The following SRBD1 variants were observed in gnomAD, a reference collection of about 807,000 sequenced individuals.
The protein encoded by SRBD1 is S1 RNA binding domain 1.
In SRBD1, 88 loss-of-function variants were observed where a neutral mutation model predicts 115.3. That is an observed-to-expected ratio of 0.76 (90% CI 0.64 to 0.91). The LOEUF is 0.91. Ranked by LOEUF, SRBD1 falls within the 40% of genes least tolerant of loss-of-function variation. The probability of loss-of-function intolerance (pLI) is 0.00; values close to 1 mark genes in which losing one functional copy is unlikely to be tolerated. For missense variants in SRBD1, 1,385 were observed against 1,177.4 expected (o/e 1.18, Z -2.58); for synonymous variants, 509 against 407.7 (o/e 1.25, Z -2.99).
chr2:45,503,572 T>C (rs139484028), intron 14 of SRBD1, among the ~76,000 whole-genome samples: 8 of 152,320 alleles, frequency 5.3e-5, no homozygotes, highest in African/African-American at 1.7e-4. Context: ...TTTAAAATAA[T>C]TCACATACCA....
intron 14 of SRBD1, among the ~76,000 whole-genome samples, chr2:45,523,195 G>A (rs13401977): frequency 0.16 from 22,435 of 137,208 alleles, 2,434 homozygotes; most frequent in African/African-American, 0.33. Context: ...ATATAGCTAA[G>A]AACTATAGTT....
intron 14 of SRBD1, among the ~76,000 whole-genome samples, chr2:45,545,576 C>T (rs1210404287): frequency 6.6e-6 from 1 of 152,118 alleles, no homozygotes; most frequent in Non-Finnish European, 1.5e-5. Flanking sequence ...CCAGCTACAT[C>T]AGTGCTTGTG....
intron 4 of SRBD1, among the ~76,000 whole-genome samples, chr2:45,598,782 G>A (rs1018773544): frequency 6.6e-6 from 1 of 151,788 alleles, no homozygotes; most frequent in Non-Finnish European, 1.5e-5. Context: ...GAATCACATG[G>A]GACAGATAAC....
intron 7 of SRBD1, among the ~76,000 whole-genome samples, chr2:45,576,486 T>C (rs968327618): frequency 6.6e-6 from 1 of 152,150 alleles, no homozygotes; most frequent in South Asian, 2.1e-4. Context: ...GTCAATTACA[T>C]TTTAAAGAAA....
rs758369369 is a variant in SRBD1 at position 45,585,643 on chromosome 2, G to C, written c.780C>G (p.Ser260=). The change falls in exon 5 of 21, where the codon TCC becomes TCG. Residue 260 remains serine (S), a synonymous_variant. Coordinates refer to ENST00000263736, the MANE Select transcript of SRBD1 (RefSeq NM_018079.5). ...CTAGGGTTTGCTGAACTTCTCTCAA[G>C]GAATCAGCATCAAGGTTATTAATGA... The part of the protein sequence containing the change: ...KELINNLDAD[S]LREVQQTLEE... 1 of 1,611,130 alleles carries C rather than the reference G, an allele frequency of 6.2e-7. No individual in the cohort carries two copies. Among genetic ancestry groups the C allele is most frequent in the East Asian group, 2.2e-5 (1 of 44,690 alleles).
chr2:45,569,998 T>C (rs1325619135), intron 9 of SRBD1, among the ~76,000 whole-genome samples: 2 of 152,216 alleles, frequency 1.3e-5, no homozygotes, highest in African/African-American at 4.8e-5. Flanking sequence ...TAGCAAACTA[T>C]GGCCCATGGG....
chr2:45,520,590 C>A (rs913793975), intron 14 of SRBD1, among the ~76,000 whole-genome samples: 2 of 152,180 alleles, frequency 1.3e-5, no homozygotes, highest in Non-Finnish European at 2.9e-5. Context: ...GCCCACCATG[C>A]CTTCCTATCC....
intron 16 of SRBD1, among the ~76,000 whole-genome samples, chr2:45,474,847 T>A (rs1256700603): frequency 6.6e-6 from 1 of 152,180 alleles, no homozygotes; most frequent in Non-Finnish European, 1.5e-5. Flanking sequence ...TTTATTCAAA[T>A]AAATATGTAT....
intron 14 of SRBD1, 68 bp downstream of exon 14, chr2:45,546,664 T>C (rs1289609729): frequency 1.4e-6 from 2 of 1,431,426 alleles, no homozygotes; most frequent in East Asian, 2.3e-5. Flanking sequence ...GAAGGGAGGA[T>C]TCATCACAAA....
chr2:45,482,867 A>C (rs10188062), intron 15 of SRBD1, among the ~76,000 whole-genome samples: 15,109 of 152,096 alleles, frequency 0.099, 1,113 homozygotes, highest in African/African-American at 0.21. Context: ...CCTGCCATTT[A>C]CTTTAAATCA....
intron 4 of SRBD1, among the ~76,000 whole-genome samples, chr2:45,597,929 G>A (rs1222091320): frequency 6.6e-6 from 1 of 152,128 alleles, no homozygotes; most frequent in Non-Finnish European, 1.5e-5. Context: ...AGACTTCACA[G>A]TCTAAAACTT....
At chr2:45,508,992 G>A (rs991865021) in intron 14 of SRBD1, among the ~76,000 whole-genome samples, 2 of 152,036 alleles carry the variant, frequency 1.3e-5, no homozygotes, top group African/African-American at 4.8e-5. Context: ...GGAGGTGGGG[G>A]CAGGGAGGTG....
chr2:45,519,728 A>G (rs1177109668), intron 14 of SRBD1, among the ~76,000 whole-genome samples: 1 of 152,172 alleles, frequency 6.6e-6, no homozygotes, highest in African/African-American at 2.4e-5. Context: ...TTTAGTTTCA[A>G]GAAATCTTTG....
At chr2:45,546,210 C>A in intron 14 of SRBD1, 2 of 985,354 alleles carry the variant, frequency 2.0e-6, no homozygotes, top group Non-Finnish European at 2.4e-6. Flanking sequence ...CTTTCTAATC[C>A]AAAGCTATTC....
chr2:45,408,000 C>A (rs1319169509), intron 19 of SRBD1, among the ~76,000 whole-genome samples: 1 of 151,984 alleles, frequency 6.6e-6, no homozygotes, highest in Non-Finnish European at 1.5e-5. Context: ...CTATCATAAA[C>A]ATGAAAAGAA....
chr2:45,510,460 C>G (rs142906651), intron 14 of SRBD1, among the ~76,000 whole-genome samples: 20 of 152,172 alleles, frequency 1.3e-4, no homozygotes, highest in Admixed American at 4.6e-4. Context: ...ACTGCATTAC[C>G]CTCTAAAATA....
At chr2:45,578,130 G>C (rs1272425565) in intron 7 of SRBD1, among the ~76,000 whole-genome samples, 1 of 152,164 alleles carries the variant, frequency 6.6e-6, no homozygotes, top group African/African-American at 2.4e-5. Context: ...AAGGTAGTGA[G>C]AAGTAGAAGG....
At position 45,414,949 on chromosome 2, in the gene SRBD1, TAC is replaced by T. The variant is rs1352664465; in HGVS notation, c.2334-1658_2334-1657del. Among the ~76,000 whole-genome samples, 10 of 120,198 alleles carry T rather than the reference TAC, an allele frequency of 8.3e-5. 2 individuals carry two copies. Among genetic ancestry groups the T allele is most frequent in the Admixed American group, 2.6e-4 (3 of 11,688 alleles). The allele number at this position is 120,198 out of a possible 152,430, so 78.9% of individuals were successfully genotyped here. A position where few individuals can be genotyped will look rare whatever the true frequency, so the allele number is the denominator to read the frequency against. ...TACACACACAGTGTTATATAGTATG[TAC>T]ATACACACACATATAGTGTGTATAT... is the stretch of plus-strand genomic sequence containing the variant. On this transcript the variant is annotated intron_variant, in intron 18 of 20. Coordinates refer to ENST00000263736, the MANE Select transcript of SRBD1 (RefSeq NM_018079.5).
chr2:45,505,458 G>T (rs1390628726), intron 14 of SRBD1, among the ~76,000 whole-genome samples: 1 of 152,060 alleles, frequency 6.6e-6, no homozygotes, highest in Non-Finnish European at 1.5e-5. Flanking sequence ...CCAACTCAAG[G>T]CTCTCACATA....
Sources: gnomAD v4.1 joint callset for allele counts (sites outside exome capture counted in the v4.1 genomes callset) on GRCh38, gnomAD v4.1.1 for gene constraint, MANE v1.5 for transcripts, NCBI Gene and HGNC (gene_info 2026-07-23, HGNC 2026-07-21) for gene names.